Variants in GDF10 observed in about 807,000 individuals in gnomAD.
GDF10 encodes growth/differentiation factor 10.
GDF10 carries 23 observed loss-of-function variants against 32.1 expected under a neutral mutation model. The ratio of observed to expected loss-of-function variants is 0.72; its 90% CI spans 0.52 to 1.02. The LOEUF (loss-of-function observed/expected upper bound fraction) is 1.02, where lower values mean the gene tolerates loss of function less well. GDF10 is among the 50% of genes least tolerant of loss of function. The pLI, the probability that GDF10 is intolerant of heterozygous loss-of-function variation, is 0.00. For missense variants in GDF10, 764 were observed against 673.9 expected, an observed-to-expected ratio of 1.13 and a Z score of -1.48; for synonymous variants, 328 against 303.1, an observed-to-expected ratio of 1.08 and a Z score of -0.85.
rs1555206809 is a variant in GDF10 at position 47,300,953 on chromosome 10, G to A, written c.302G>A (p.Ser101Asn). The change falls in exon 1 of 3, where the codon AGC becomes AAC. Residue 101 changes from serine to asparagine, a missense_variant. By Grantham distance (46) the Ser-to-Asn change is conservative (BLOSUM62 1). Transcript: ENST00000580279. ...ARPGGGNTVRSFRARLEVVDQ... is the reference protein window; with the variant it reads ...ARPGGGNTVRNFRARLEVVDQ... ...CCGGGAGGGGGCAACACGGTCCGCAGCTTCAGGGCCAGGCTGGGTAAGTAG... is the reference window on the plus strand; with the variant it reads ...CCGGGAGGGGGCAACACGGTCCGCAACTTCAGGGCCAGGCTGGGTAAGTAG... 1.4e-5 allele frequency: 21 copies of A among 1,508,244 alleles called. 1 individual carries two copies. In the East Asian group the frequency reaches 5.3e-4, roughly 38 times the overall value. The allele number at this position is 1,508,244 out of a possible 1,614,324, so 93.4% of individuals were successfully genotyped here.
At chr10:47,303,169 C>T (rs1264981421) in intron 1 of GDF10, among the ~76,000 whole-genome samples, 2 of 152,184 alleles carry the variant, frequency 1.3e-5, no homozygotes, top group Non-Finnish European at 2.9e-5. Flanking sequence ...TGGGCAGGGA[C>T]CCTTCTCTCA....
At position 47,300,980 on chromosome 10, in the gene GDF10, G is replaced by A. The variant is rs782022523; in HGVS notation, c.319+10G>A. ...TTCAGGGCCAGGCTGGGTAAGTAGA[G>A]GGTGCCCCAGGACCCCTTCTCCTCA... On this transcript the variant is annotated intron_variant, in intron 1 of 2. Coordinates refer to ENST00000580279, the MANE Select transcript of GDF10 (RefSeq NM_004962.5). 1 of 1,454,770 alleles carries A rather than the reference G, an allele frequency of 6.9e-7. No homozygotes were observed. The highest frequency in any genetic ancestry group is 2.6e-5 in the East Asian group (1 of 38,106). 90.1% of individuals were successfully genotyped at this position (1,454,770 alleles called of 1,614,324 possible).
At position 47,310,379 on chromosome 10, in the gene GDF10, C is replaced by G; in HGVS notation, c.903C>G (p.Asn301Lys). 1.9e-6 allele frequency: 3 copies of G among 1,607,520 alleles called. No individual in the cohort carries two copies. Among genetic ancestry groups the G allele is most frequent in the Non-Finnish European group, 2.5e-6 (3 of 1,177,956 alleles). ...AGGCCACTGGGCCCCTCCAGGACAACGAGCTGCCGGGGCTGGATGAGAGGC... is the reference window on the plus strand; with the variant it reads ...AGGCCACTGGGCCCCTCCAGGACAAGGAGCTGCCGGGGCTGGATGAGAGGC... ...AAQATGPLQD[N>K]ELPGLDERPP... Residue 301 changes from asparagine to lysine, a missense_variant, in exon 2 of 3, where the codon AAC becomes AAG. Transcript: ENST00000580279.
At position 47,300,935 on chromosome 10, in the gene GDF10, G is replaced by C; in HGVS notation, c.284G>C (p.Gly95Ala). The C allele has an allele frequency of 3.3e-6, 5 of 1,532,182 alleles. No homozygotes were observed. The highest frequency in any genetic ancestry group is 1.4e-5 in the African/African-American group (1 of 70,786). The allele number at this position is 1,532,182 out of a possible 1,614,324, so 94.9% of individuals were successfully genotyped here. A position where few individuals can be genotyped will look rare whatever the true frequency, so the allele number is the denominator to read the frequency against. Residue 95 changes from glycine (G) to alanine (A), a missense_variant, in exon 1 of 3, where the codon GGG (glycine) becomes GCG (alanine). Physicochemically the swap from Gly to Ala is moderately conservative, Grantham distance 60 (BLOSUM62 0). Coordinates refer to ENST00000580279, the MANE Select transcript of GDF10 (RefSeq NM_004962.5). The part of the protein sequence containing the change: ...KYSRQGARPG[G>A]GNTVRSFRAR... ...AGCCGGCAGGGCGCGCGGCCGGGAG[G>C]GGGCAACACGGTCCGCAGCTTCAGG...
chr10:47,305,268 C>T (rs2061019260), intron 1 of GDF10, among the ~76,000 whole-genome samples: 1 of 152,178 alleles, frequency 6.6e-6, no homozygotes, highest in African/African-American at 2.4e-5. Context: ...TGCTGGGTGC[C>T]AGGCACAGTG....
chr10:47,307,656 CCA>C (rs2061027668), intron 1 of GDF10, among the ~76,000 whole-genome samples: 2 of 152,218 alleles, frequency 1.3e-5, no homozygotes, highest in Admixed American at 6.5e-5. Context: ...GGCATTCAAG[CCA>C]CATGGAGGTA....
Position 47,300,699 on chromosome 10 carries a change from G to T in GDF10, c.48G>T (p.Leu16=). ...ARTSPGPGPQ[L]LLLLLPLFLL... The stretch of plus-strand genomic sequence containing the variant: ...CCAGCCCGGGACCCGGGCCCCAGCT[G>T]CTGCTGCTGCTGCTGCCGTTGTTTC... Residue 16 remains leucine (L), a synonymous_variant, in exon 1 of 3, where the codon CTG becomes CTT. Coordinates refer to ENST00000580279, the MANE Select transcript of GDF10 (RefSeq NM_004962.5). 6.3e-7 allele frequency: 1 copy of T among 1,592,734 alleles called. No individual in the cohort carries two copies. Among genetic ancestry groups the T allele is most frequent in the Non-Finnish European group, 8.5e-7 (1 of 1,171,248 alleles).
intron 2 of GDF10, among the ~76,000 whole-genome samples, chr10:47,311,331 C>A (rs1555207755): frequency 6.6e-6 from 1 of 152,234 alleles, no homozygotes; most frequent in Non-Finnish European, 1.5e-5. Flanking sequence ...CACCTTCGCT[C>A]CAGACTGGGC....
At chr10:47,305,492 T>A (rs1190308179) in intron 1 of GDF10, among the ~76,000 whole-genome samples, 1 of 152,220 alleles carries the variant, frequency 6.6e-6, no homozygotes, top group Non-Finnish European at 1.5e-5. Context: ...AGTTCCCTGC[T>A]CTTCTCTGCA....
Position 47,310,056 on chromosome 10 carries a change from G to A in GDF10, c.580G>A (p.Ala194Thr). Residue 194 changes from alanine (A) to threonine (T), a missense_variant, in exon 2 of 3, where the codon GCG becomes ACG. Coordinates refer to ENST00000580279, the MANE Select transcript of GDF10 (RefSeq NM_004962.5). The stretch of plus-strand genomic sequence containing the variant: ...GCTACTCCGCGGGGCCATGGCCCTG[G>A]CGCCCCCACCGCGCGGCCTGTGGCA... ...QGLLRGAMAL[A>T]PPPRGLWQAK... 1 of 1,604,964 alleles carries A rather than the reference G, an allele frequency of 6.2e-7. No homozygotes were observed. Among genetic ancestry groups the A allele is most frequent in the Non-Finnish European group, 8.5e-7 (1 of 1,175,980 alleles).
rs782143666 is a variant in GDF10 at position 47,310,224 on chromosome 10, G to A, written c.748G>A (p.Asp250Asn). ...YAPYILVYAN[D>N]LAISEPNSVA... ...GCCCTACATCCTAGTCTATGCCAAC[G>A]ATCTGGCCATCTCGGAGCCCAACAG... The change falls in exon 2 of 3, where the codon GAT becomes AAT. Residue 250 changes from aspartate to asparagine, a missense_variant. By Grantham distance (23) the Asp-to-Asn change is conservative (BLOSUM62 1). Transcript: ENST00000580279. 5 of 1,610,592 alleles carry A rather than the reference G, an allele frequency of 3.1e-6. No homozygotes were observed. Among genetic ancestry groups the A allele is most frequent in the Non-Finnish European group, 4.2e-6 (5 of 1,178,672 alleles).
rs1454661810 is a variant in GDF10 at position 47,309,981 on chromosome 10, C to T, written c.505C>T (p.Arg169Cys). Residue 169 changes from arginine (R) to cysteine (C), a missense_variant, in exon 2 of 3, where the codon CGC becomes TGC. Physicochemically the swap from Arg to Cys is radical, Grantham distance 180. Coordinates refer to ENST00000580279, the MANE Select transcript of GDF10 (RefSeq NM_004962.5). ...GRPLPLGPPT[R>C]QHLLFRSLSQ... ...CCCGCTGCCCCTGGGCCCGCCCACA[C>T]GCCAGCACCTGCTCTTCCGCAGCCT... 1.9e-6 allele frequency: 3 copies of T among 1,611,192 alleles called. No homozygotes were observed. The highest frequency in any genetic ancestry group is 1.3e-5 in the African/African-American group (1 of 74,882).
chr10:47,306,958 C>T (rs2061025188), intron 1 of GDF10, among the ~76,000 whole-genome samples: 1 of 152,010 alleles, frequency 6.6e-6, no homozygotes, highest in Non-Finnish European at 1.5e-5. Context: ...TTATTTGGGG[C>T]AATGGAGGGC....
chr10:47,308,154 C>T (rs2061029790), intron 1 of GDF10, among the ~76,000 whole-genome samples: 1 of 152,204 alleles, frequency 6.6e-6, no homozygotes, highest in Non-Finnish European at 1.5e-5. Context: ...CCACCGCTAC[C>T]ACCGGAGTGA....
chr10:47,300,903 G>C lies in GDF10; in HGVS notation c.252G>C (p.Glu84Asp), dbSNP rs1555206792. 6.3e-7 allele frequency: 1 copy of C among 1,575,498 alleles called. No individual in the cohort carries two copies. Among genetic ancestry groups the C allele is most frequent in the South Asian group, 1.1e-5 (1 of 87,660 alleles). ...MVAVHMHRLY[E>D]KYSRQGARPG... is the part of the protein sequence containing the mutation. ...CTGTCCACATGCACAGGCTCTATGA[G>C]AAGTACAGCCGGCAGGGCGCGCGGC... is the stretch of plus-strand genomic sequence containing the variant. Residue 84 changes from glutamate to aspartate, a missense_variant, in exon 1 of 3, where the codon GAG becomes GAC. Coordinates refer to ENST00000580279, the MANE Select transcript of GDF10 (RefSeq NM_004962.5).
At chr10:47,305,423 C>T (rs570883145) in intron 1 of GDF10, among the ~76,000 whole-genome samples, 20 of 152,314 alleles carry the variant, frequency 1.3e-4, no homozygotes, top group Admixed American at 5.2e-4. Context: ...TGCCAGCAGG[C>T]GTTGAACCTC....
chr10:47,305,064 G>C (rs2061018355), intron 1 of GDF10, among the ~76,000 whole-genome samples: 1 of 152,196 alleles, frequency 6.6e-6, no homozygotes, highest in South Asian at 2.1e-4. Context: ...TGGTTGTGTA[G>C]AAACAGGAAG....
chr10:47,306,339 T>C (rs1339618366), intron 1 of GDF10, among the ~76,000 whole-genome samples: 1 of 152,256 alleles, frequency 6.6e-6, no homozygotes, highest in African/African-American at 2.4e-5. Context: ...GCTGCATCTT[T>C]GTAAAGAATG....
At chr10:47,307,041 A>C (rs2061025535) in intron 1 of GDF10, among the ~76,000 whole-genome samples, 1 of 152,080 alleles carries the variant, frequency 6.6e-6, no homozygotes, top group African/African-American at 2.4e-5. Context: ...AGTGCTCTTT[A>C]AAACTGTGAC....
Sources: gnomAD v4.1 joint callset for allele counts (sites outside exome capture counted in the v4.1 genomes callset) on GRCh38, gnomAD v4.1.1 for gene constraint, MANE v1.5 for transcripts, NCBI Gene and HGNC (gene_info 2026-07-23, HGNC 2026-07-21) for gene names.